The following CDC14B variants were observed in gnomAD, a reference collection of about 807,000 sequenced individuals.
CDC14B encodes cell division cycle 14B, also known as dual specificity protein phosphatase CDC14B.
In CDC14B, 22 loss-of-function variants were observed where a neutral mutation model predicts 64.2. The observed-to-expected ratio is 0.34, with a 90% CI of 0.24 to 0.49. The LOEUF (loss-of-function observed/expected upper bound fraction) is 0.49. Ranked by LOEUF, CDC14B falls within the 20% of genes least tolerant of loss-of-function variation. The pLI is 0.99. For synonymous variants in CDC14B, 191 were observed against 215.8 expected, an observed-to-expected ratio of 0.89 and a Z score of 1.01; for missense variants, 498 against 629.9, an observed-to-expected ratio of 0.79 and a Z score of 2.24.
intron 7 of CDC14B, among the ~76,000 whole-genome samples, chr9:96,535,381 C>A (rs1314933107): frequency 6.6e-6 from 1 of 152,154 alleles, no homozygotes; most frequent in Middle Eastern, 3.4e-3. Flanking sequence ...TACAAGTATA[C>A]CAAGATCACA....
At chr9:96,570,527 G>C (rs1331402392) in intron 1 of CDC14B, among the ~76,000 whole-genome samples, 1 of 152,220 alleles carries the variant, frequency 6.6e-6, no homozygotes, top group Non-Finnish European at 1.5e-5. Flanking sequence ...GGGAGCAGGA[G>C]AGAACAGGCT....
intron 1 of CDC14B, among the ~76,000 whole-genome samples, chr9:96,594,956 T>C (rs1845989946): frequency 6.6e-6 from 1 of 151,934 alleles, no homozygotes; most frequent in African/African-American, 2.4e-5. Context: ...ACAGAGACCA[T>C]CCTGGCCAAG....
chr9:96,504,764 A>G (rs1310504855), intron 13 of CDC14B, among the ~76,000 whole-genome samples: 1 of 152,210 alleles, frequency 6.6e-6, no homozygotes, highest in Non-Finnish European at 1.5e-5. Context: ...CTGAGGGTCA[A>G]GAGGCAGTGG....
chr9:96,608,346 G>T (rs1036163681), intron 1 of CDC14B, among the ~76,000 whole-genome samples: 1 of 152,132 alleles, frequency 6.6e-6, no homozygotes, highest in African/African-American at 2.4e-5. Flanking sequence ...ACAGTTCATT[G>T]TCAGAAAGAA....
At chr9:96,526,959 A>C (rs1331596738) in intron 9 of CDC14B, among the ~76,000 whole-genome samples, 3 of 152,182 alleles carry the variant, frequency 2.0e-5, no homozygotes, top group African/African-American at 7.2e-5. Context: ...AAATGAAATA[A>C]GCAATGCTGG....
chr9:96,514,442 C>G (rs1213605109), intron 12 of CDC14B: 32 of 985,246 alleles, frequency 3.2e-5, no homozygotes, highest in Non-Finnish European at 3.9e-5. Context: ...GAATGCGCGA[C>G]AATAAGCTTT....
chr9:96,586,863 C>A (rs995480516), intron 1 of CDC14B, among the ~76,000 whole-genome samples: 1 of 151,380 alleles, frequency 6.6e-6, no homozygotes, highest in East Asian at 1.9e-4. Context: ...TTTAAAAAAA[C>A]ATGAACTGGA....
intron 3 of CDC14B, 134 bp from the exon 4 acceptor site, chr9:96,562,919 T>C (rs1437690173): frequency 7.7e-6 from 5 of 646,300 alleles, no homozygotes; most frequent in South Asian, 1.9e-5. Flanking sequence ...AAGATTAACA[T>C]TGATACCCAC....
chr9:96,619,320 C>A lies in CDC14B; in HGVS notation c.59G>T (p.Arg20Leu). Residue 20 changes from arginine to leucine, a missense_variant, in exon 1 of 14, where the codon CGC becomes CTC. Physicochemically the swap from Arg to Leu is moderately radical, Grantham distance 102. Transcript: ENST00000375241. Reference protein sequence around the residue: ...SWAAAPPCSRRCSSTSPGVKK... With the variant: ...SWAAAPPCSRLCSSTSPGVKK... Reference sequence around the variant, plus strand: ...CACACCCGGCGAGGTCGACGAGCAGCGCCGCGAGCAGGGGGGCGCGGCGGC... The same window carrying A: ...CACACCCGGCGAGGTCGACGAGCAGAGCCGCGAGCAGGGGGGCGCGGCGGC... 7.7e-7 allele frequency: 1 copy of A among 1,300,006 alleles called. No homozygotes were observed. The highest frequency in any genetic ancestry group is 2.9e-5 in the South Asian group (1 of 34,356). The allele number at this position is 1,300,006 out of a possible 1,614,324, so 80.5% of individuals were successfully genotyped here.
At chr9:96,504,901 G>A (rs1010497185) in intron 13 of CDC14B, among the ~76,000 whole-genome samples, 3 of 152,154 alleles carry the variant, frequency 2.0e-5, no homozygotes, top group Admixed American at 6.5e-5. Flanking sequence ...GAGGCCGGGC[G>A]CCGTGGCTCA....
In CDC14B at chr9:96,515,692, A is replaced by C. The variant is rs1210309688; in HGVS notation, c.1344-5903T>G. On this transcript the variant is annotated intron_variant, in intron 12 of 13. Coordinates refer to ENST00000375241, the MANE Select transcript of CDC14B (RefSeq NM_033331.4). The surrounding 1 kb of genome is among the most constrained non-coding windows in gnomAD (Gnocchi z 4.3). ...GGTCCTGATGGCTACTGTGTTCTGA[A>C]ACCATCGAGACAGAATAGCAGGATG... The C allele has an allele frequency of 6.2e-7, 1 of 1,600,494 alleles. No homozygotes were observed. The highest frequency in any genetic ancestry group is 1.7e-5 in the Admixed American group (1 of 58,270).
At chr9:96,546,701 C>T (rs1840914200) in intron 5 of CDC14B, among the ~76,000 whole-genome samples, 1 of 151,970 alleles carries the variant, frequency 6.6e-6, no homozygotes, top group Non-Finnish European at 1.5e-5. Context: ...CCACTTGCCT[C>T]AGCCTCCCAA....
intron 1 of CDC14B, among the ~76,000 whole-genome samples, chr9:96,593,646 G>A (rs1052670213): frequency 6.6e-6 from 1 of 152,062 alleles, no homozygotes; most frequent in Admixed American, 6.6e-5. Context: ...GAAAAATAAG[G>A]AAGAACAAAC....
chr9:96,619,240 C>A lies in CDC14B; in HGVS notation c.139G>T (p.Asp47Tyr). 1 of 1,352,328 alleles carries A rather than the reference C, an allele frequency of 7.4e-7. No homozygotes were observed. Among genetic ancestry groups the A allele is most frequent in the Non-Finnish European group, 9.6e-7 (1 of 1,047,044 alleles). 83.8% of individuals were successfully genotyped at this position (1,352,328 alleles called of 1,614,324 possible). The change falls in exon 1 of 14, where the codon GAC becomes TAC. Residue 47 changes from aspartate to tyrosine, a missense_variant. Coordinates refer to ENST00000375241, the MANE Select transcript of CDC14B (RefSeq NM_033331.4). ...QDPRRRDPQD[D>Y]VYLDITDRLC... ...TCACCGGTGATGTCCAGGTACACGT[C>A]GTCCTGGGGGTCCCGGCGGCGCGGG...
intron 9 of CDC14B, among the ~76,000 whole-genome samples, 198 bp downstream of exon 9, chr9:96,533,729 A>G (rs1181002793): frequency 1.3e-5 from 2 of 152,246 alleles, no homozygotes; most frequent in Admixed American, 1.3e-4. Context: ...AAATAAATGC[A>G]TTTCAATGTG....
chr9:96,507,999 G>C (rs1255608929), intron 13 of CDC14B, among the ~76,000 whole-genome samples: 3 of 151,522 alleles, frequency 2.0e-5, no homozygotes, highest in African/African-American at 2.4e-5. Flanking sequence ...TACAAAATTA[G>C]AGTCATACTT....
At chr9:96,593,914 G>C (rs1031612655) in intron 1 of CDC14B, among the ~76,000 whole-genome samples, 1 of 152,090 alleles carries the variant, frequency 6.6e-6, no homozygotes, top group African/African-American at 2.4e-5. Context: ...AAAAGATAAA[G>C]TAACTCTCAC....
At chr9:96,597,944 A>C (rs1403160539) in intron 1 of CDC14B, among the ~76,000 whole-genome samples, 3 of 152,164 alleles carry the variant, frequency 2.0e-5, no homozygotes, top group Non-Finnish European at 2.9e-5. Flanking sequence ...ACATAGAGGA[A>C]CTCCTTAATA....
intron 1 of CDC14B, among the ~76,000 whole-genome samples, chr9:96,595,652 T>C (rs1846027103): frequency 6.6e-6 from 1 of 152,206 alleles, no homozygotes; most frequent in Admixed American, 6.5e-5. Flanking sequence ...TACTGATACA[T>C]ACTATAAAAT....
Sources: gnomAD v4.1 joint callset for allele counts (sites outside exome capture counted in the v4.1 genomes callset) on GRCh38, gnomAD v4.1.1 for gene constraint, Gnocchi (gnomAD v3.1) non-coding constraint, MANE v1.5 for transcripts, NCBI Gene and HGNC (gene_info 2026-07-23, HGNC 2026-07-21) for gene names.